The following ADK variants were observed in gnomAD, a reference collection of about 807,000 sequenced individuals.
ADK encodes the protein N6,N6-dimethyladenosine kinase.
ADK carries 24 observed loss-of-function variants against 44.7 expected under a neutral mutation model. That is an observed-to-expected ratio of 0.54 (90% CI 0.39 to 0.76). The LOEUF (loss-of-function observed/expected upper bound fraction) is 0.76, where lower values mean the gene tolerates loss of function less well. ADK is among the 30% of genes least tolerant of loss of function. The probability of loss-of-function intolerance (pLI) is 0.00; values close to 1 mark genes in which losing one functional copy is unlikely to be tolerated. For missense variants in ADK, 321 were observed against 425.1 expected, an observed-to-expected ratio of 0.76 and a Z score of 2.15; for synonymous variants, 128 against 142.6, an observed-to-expected ratio of 0.90 and a Z score of 0.73.
chr10:74,333,436 A>G (rs1841292958), intron 4 of ADK, among the ~76,000 whole-genome samples: 1 of 152,188 alleles, frequency 6.6e-6, no homozygotes, highest in Non-Finnish European at 1.5e-5. Flanking sequence ...GCTGCCTCCC[A>G]TGTAACATAA....
chr10:74,209,869 C>G (rs1843743729), intron 2 of ADK, among the ~76,000 whole-genome samples: 1 of 151,924 alleles, frequency 6.6e-6, no homozygotes, highest in Admixed American at 6.6e-5. Flanking sequence ...GAGCCCTGGT[C>G]TGTAATTATG....
At chr10:74,568,979 A>G (rs1589256384) in intron 7 of ADK, among the ~76,000 whole-genome samples, 1 of 123,996 alleles carries the variant, frequency 8.1e-6, no homozygotes, top group East Asian at 2.5e-4. Context: ...TCCTGTGTCC[A>G]TGTGTTCTCA....
chr10:74,392,912 T>A, intron 4 of ADK, among the ~76,000 whole-genome samples: 1 of 152,144 alleles, frequency 6.6e-6, no homozygotes, highest in East Asian at 1.9e-4. Flanking sequence ...TTTGAATGGC[T>A]GTGTGGTATT....
At chr10:74,550,875 A>G (rs2133778500) in intron 7 of ADK, among the ~76,000 whole-genome samples, 1 of 152,288 alleles carries the variant, frequency 6.6e-6, no homozygotes, top group South Asian at 2.1e-4. Context: ...TTTTAGAGAC[A>G]AGGTCTCGCT....
chr10:74,553,277 T>C (rs1319956665), intron 7 of ADK, among the ~76,000 whole-genome samples: 1 of 132,330 alleles, frequency 7.6e-6, no homozygotes, highest in African/African-American at 2.9e-5. Context: ...CTCTGCTCAC[T>C]GCAACCTCCA....
At chr10:74,220,592 C>T (rs1677465725) in intron 2 of ADK, among the ~76,000 whole-genome samples, 1 of 152,202 alleles carries the variant, frequency 6.6e-6, no homozygotes, top group South Asian at 2.1e-4. Context: ...GACCAATACC[C>T]TTGATGAACA....
chr10:74,288,557 G>A (rs1847282278), intron 3 of ADK, among the ~76,000 whole-genome samples: 1 of 152,150 alleles, frequency 6.6e-6, no homozygotes. Flanking sequence ...GGCTGAGGCA[G>A]GAGAATAGCT....
chr10:74,537,650 G>C (rs1292244260), intron 7 of ADK, among the ~76,000 whole-genome samples: 1 of 151,814 alleles, frequency 6.6e-6, no homozygotes, highest in Non-Finnish European at 1.5e-5. Context: ...GCCTTTCAAG[G>C]CTCCATAATC....
chr10:74,351,557 G>A (rs1841964514), intron 4 of ADK, among the ~76,000 whole-genome samples: 1 of 152,154 alleles, frequency 6.6e-6, no homozygotes, highest in Non-Finnish European at 1.5e-5. Context: ...AGTTTTGGAA[G>A]TTCTGACTAG....
intron 3 of ADK, among the ~76,000 whole-genome samples, chr10:74,246,190 T>C (rs1241503519): frequency 6.6e-6 from 1 of 152,176 alleles, no homozygotes; most frequent in Non-Finnish European, 1.5e-5. Context: ...AAAGTAATAC[T>C]AAGACTGTGT....
chr10:74,517,714 A>G (rs978080300), intron 6 of ADK, among the ~76,000 whole-genome samples: 2 of 151,594 alleles, frequency 1.3e-5, no homozygotes, highest in African/African-American at 4.8e-5. Context: ...AGAGTAAAAG[A>G]TATGCAGACT....
chr10:74,250,705 G>T (rs908270931), intron 3 of ADK, among the ~76,000 whole-genome samples: 1 of 151,994 alleles, frequency 6.6e-6, no homozygotes, highest in African/African-American at 2.4e-5. Flanking sequence ...AAATAATGAG[G>T]GTCTCTTATA....
intron 9 of ADK, chr10:74,655,517 A>G: frequency 2.0e-6 from 1 of 496,594 alleles, no homozygotes; most frequent in South Asian, 1.6e-5. Context: ...GTGGCTTTTT[A>G]AGGAAGAAAA....
chr10:74,559,861 T>G (rs76625148), intron 7 of ADK, among the ~76,000 whole-genome samples: 4 of 150,416 alleles, frequency 2.7e-5, no homozygotes, highest in Non-Finnish European at 4.4e-5. Context: ...TCATGTTGTT[T>G]TTTTTTTTCT....
intron 3 of ADK, among the ~76,000 whole-genome samples, chr10:74,273,133 C>T (rs1846505925): frequency 6.7e-6 from 1 of 149,568 alleles, no homozygotes; most frequent in African/African-American, 2.5e-5. Context: ...GGAGGTCAGT[C>T]ATCAGAAAAC....
chr10:74,691,437 C>A (rs1003541234), intron 10 of ADK, among the ~76,000 whole-genome samples: 1 of 152,136 alleles, frequency 6.6e-6, no homozygotes, highest in Non-Finnish European at 1.5e-5. Flanking sequence ...CTTGTCACTA[C>A]TATACAGTGT....
At chr10:74,612,242 TTTG>T (rs1719516910) in intron 9 of ADK, among the ~76,000 whole-genome samples, 1 of 152,142 alleles carries the variant, frequency 6.6e-6, no homozygotes, top group Non-Finnish European at 1.5e-5. Flanking sequence ...TTTTCATATG[TTTG>T]TTGGCTGCTT....
At chr10:74,228,691 A>G (rs1844638960) in intron 3 of ADK, among the ~76,000 whole-genome samples, 2 of 152,220 alleles carry the variant, frequency 1.3e-5, no homozygotes, top group South Asian at 2.1e-4. Flanking sequence ...TATTGAAAAT[A>G]GAACCATTTT....
chr10:74,392,439 G>T (rs1002188230), intron 4 of ADK, among the ~76,000 whole-genome samples: 1 of 151,850 alleles, frequency 6.6e-6, no homozygotes, highest in Non-Finnish European at 1.5e-5. Context: ...TGTGCTTATT[G>T]GCCATTTATA....
Sources: gnomAD v4.1 joint callset for allele counts (sites outside exome capture counted in the v4.1 genomes callset) on GRCh38, gnomAD v4.1.1 for gene constraint, MANE v1.5 for transcripts, NCBI Gene and HGNC (gene_info 2026-07-23, HGNC 2026-07-21) for gene names.